Variants in CDH8 observed in about 807,000 individuals in gnomAD.
The protein encoded by CDH8 is cadherin-8.
CDH8 carries 17 observed loss-of-function variants against 68.1 expected under a neutral mutation model. That is an observed-to-expected ratio of 0.25 (90% CI 0.17 to 0.37). CDH8 has a LOEUF of 0.37. CDH8 is among the 10% of genes least tolerant of loss of function. CDH8 has a pLI of 1.00. For missense variants in CDH8, 763 were observed against 999.3 expected, an observed-to-expected ratio of 0.76 and a Z score of 3.19; for synonymous variants, 372 against 365.1, an observed-to-expected ratio of 1.02 and a Z score of -0.21.
At chr16:61,742,682 T>C (rs968625309) in intron 8 of CDH8, among the ~76,000 whole-genome samples, 2 of 152,196 alleles carry the variant, frequency 1.3e-5, no homozygotes, top group African/African-American at 4.8e-5. Flanking sequence ...TCCCTGAGTG[T>C]AATGTTTTGG....
rs138123289 is a variant in CDH8, at chr16:61,760,283, T to TTTTATTTATTTA, written c.1414+29051_1414+29062dup. Among the ~76,000 whole-genome samples the TTTTATTTATTTA allele has an allele frequency of 5.1e-3, 752 of 146,312 alleles. 7 individuals carry two copies. The highest frequency in any genetic ancestry group is 0.015 in the African/African-American group (579 of 39,204). On this transcript the variant is annotated intron_variant, in intron 8 of 11. Coordinates refer to ENST00000577390, the MANE Select transcript of CDH8 (RefSeq NM_001796.5). ...GAGATAAAATATATTTGGAAGAAAA[T>TTTTATTTATTTA]TTTATTTATTTATTTATTTATTTAT...
chr16:61,764,432 G>A (rs1960540495), intron 8 of CDH8, among the ~76,000 whole-genome samples: 1 of 152,036 alleles, frequency 6.6e-6, no homozygotes, highest in Non-Finnish European at 1.5e-5. Context: ...TTTCCCGTAG[G>A]AAAACTAAGA....
intron 8 of CDH8, among the ~76,000 whole-genome samples, chr16:61,766,388 G>A (rs981892842): frequency 1.3e-5 from 2 of 151,826 alleles, no homozygotes; most frequent in Non-Finnish European, 2.9e-5. Context: ...TCCATTCATT[G>A]TTTGATGGAC....
At chr16:61,756,104 A>G (rs918101002) in intron 8 of CDH8, among the ~76,000 whole-genome samples, 2 of 152,182 alleles carry the variant, frequency 1.3e-5, no homozygotes, top group African/African-American at 4.8e-5. Flanking sequence ...TACAGGCATG[A>G]GCCACTGCAA....
intron 4 of CDH8, among the ~76,000 whole-genome samples, chr16:61,844,953 T>C (rs1219532766): frequency 1.3e-5 from 2 of 152,146 alleles, no homozygotes; most frequent in Admixed American, 1.3e-4. Flanking sequence ...TGATAGCAAG[T>C]CAGATTTAAA....
At chr16:61,694,032 A>T in intron 10 of CDH8, among the ~76,000 whole-genome samples, 1 of 152,168 alleles carries the variant, frequency 6.6e-6, no homozygotes, top group East Asian at 1.9e-4. Context: ...TCACAAATGA[A>T]GCAACAGAGG....
At chr16:61,839,401 G>A (rs368788324) in intron 4 of CDH8, among the ~76,000 whole-genome samples, 1 of 152,072 alleles carries the variant, frequency 6.6e-6, no homozygotes, top group Non-Finnish European at 1.5e-5. Flanking sequence ...ATATTTAGAG[G>A]AAAGTATAAA....
intron 3 of CDH8, among the ~76,000 whole-genome samples, chr16:61,876,309 A>T (rs1963458947): frequency 6.6e-6 from 1 of 152,188 alleles, no homozygotes; most frequent in Non-Finnish European, 1.5e-5. Context: ...TTAAATACTG[A>T]ACAAGAATCA....
chr16:61,765,763 G>C (rs1960574849), intron 8 of CDH8, among the ~76,000 whole-genome samples: 2 of 151,864 alleles, frequency 1.3e-5, no homozygotes, highest in Admixed American at 6.6e-5. Flanking sequence ...AGAAATCCAA[G>C]GCTGATTCCG....
chr16:61,826,754 A>G (rs1962345363), intron 4 of CDH8, among the ~76,000 whole-genome samples: 1 of 151,766 alleles, frequency 6.6e-6, no homozygotes. Context: ...GTTACCAGGG[A>G]AATACAATGC....
At chr16:61,669,763 G>T (rs1028478238) in intron 10 of CDH8, among the ~76,000 whole-genome samples, 2 of 151,992 alleles carry the variant, frequency 1.3e-5, no homozygotes, top group African/African-American at 4.8e-5. Flanking sequence ...CTTAAGAAAG[G>T]AGTGGCTCAG....
Position 61,659,920 on chromosome 16 carries a change from C to T in CDH8, c.1655-4199G>A, listed in dbSNP as rs527873442. Among the ~76,000 whole-genome samples, 9 of 152,182 alleles carry T rather than the reference C, an allele frequency of 5.9e-5. No homozygotes were observed. In the East Asian group the frequency reaches 1.7e-3, roughly 30 times the overall value. ...ACTGGTCTGTAGAGTAATTTAGGTTCCAAGGCAGCCTTACAAACAATACAG... is the reference window on the plus strand; with the variant it reads ...ACTGGTCTGTAGAGTAATTTAGGTTTCAAGGCAGCCTTACAAACAATACAG... On this transcript the variant is annotated intron_variant, in intron 10 of 11. Coordinates refer to ENST00000577390, the MANE Select transcript of CDH8 (RefSeq NM_001796.5).
At chr16:61,797,017 T>C (rs537498409) in intron 7 of CDH8, among the ~76,000 whole-genome samples, 6 of 152,224 alleles carry the variant, frequency 3.9e-5, no homozygotes, top group East Asian at 1.9e-4. Context: ...CAGAGTAATA[T>C]GTTTCCTCAA....
chr16:61,939,332 G>A (rs1258157715), intron 2 of CDH8, among the ~76,000 whole-genome samples: 1 of 152,116 alleles, frequency 6.6e-6, no homozygotes, highest in Non-Finnish European at 1.5e-5. Flanking sequence ...GAAAAATAAT[G>A]ATTTCTAAGT....
chr16:61,890,249 A>G (rs552473288), intron 3 of CDH8, among the ~76,000 whole-genome samples: 1 of 152,342 alleles, frequency 6.6e-6, no homozygotes, highest in South Asian at 2.1e-4. Flanking sequence ...GATAATTCCA[A>G]TTAGCAAGCA....
chr16:61,767,196 T>C (rs1326678900), intron 8 of CDH8, among the ~76,000 whole-genome samples: 1 of 151,994 alleles, frequency 6.6e-6, no homozygotes, highest in Non-Finnish European at 1.5e-5. Flanking sequence ...TCTACAAAAG[T>C]GATGGTGATT....
intron 8 of CDH8, among the ~76,000 whole-genome samples, chr16:61,745,890 T>A (rs767726672): frequency 6.6e-6 from 1 of 152,108 alleles, no homozygotes; most frequent in East Asian, 1.9e-4. Flanking sequence ...CAGAATTTTT[T>A]AATTGGATTT....
At chr16:61,685,428 A>T (rs932487762) in intron 10 of CDH8, among the ~76,000 whole-genome samples, 3 of 151,932 alleles carry the variant, frequency 2.0e-5, no homozygotes, top group Admixed American at 6.6e-5. Context: ...GAGGGAAGGG[A>T]AAAAGAGAGT....
intron 2 of CDH8, among the ~76,000 whole-genome samples, chr16:61,938,907 T>C (rs1225270919): frequency 6.6e-6 from 1 of 152,186 alleles, no homozygotes; most frequent in Admixed American, 6.5e-5. Context: ...ATATGTAAAA[T>C]GTTCAGCACT....
Sources: allele counts gnomAD v4.1 joint callset (sites outside exome capture counted in the v4.1 genomes callset), GRCh38; gene constraint gnomAD v4.1.1; transcripts MANE v1.5; gene names NCBI Gene and HGNC (gene_info 2026-07-23, HGNC 2026-07-21).